Variants in ZBED6 observed in about 807,000 individuals in gnomAD.
ZBED6 encodes the protein zinc finger BED domain-containing protein 6.
In ZBED6, 40 loss-of-function variants were observed where a neutral mutation model predicts 58.4. The observed-to-expected ratio is 0.68, with a 90% CI of 0.53 to 0.89. The LOEUF is 0.89. ZBED6 is among the 40% of genes least tolerant of loss of function. ZBED6 has a pLI of 0.00. For missense variants in ZBED6, 1,057 were observed against 1,003.9 expected (o/e 1.05, Z -0.71); for synonymous variants, 439 against 350.6 (o/e 1.25, Z -2.82).
rs576861278 is a variant in ZBED6, at chr1:203,824,807, C to T, written c.*2874-3492C>T. Among the ~76,000 whole-genome samples, 18 of 152,152 alleles carry T rather than the reference C, an allele frequency of 1.2e-4. No individual in the cohort carries two copies. In the East Asian group the frequency reaches 2.9e-3, roughly 24 times the overall value. On this transcript the variant is annotated intron_variant, in intron 3 of 16. Coordinates refer to ENST00000550078, the Ensembl canonical transcript of ZBED6. ...AGAAAATAGATTGTTAGGCCGGACA[C>T]GGTGGCTCACGCCTGTAATCCCAGC...
rs1241226262 is a variant in ZBED6, at chr1:203,805,893, C to T, written c.*2554+2877C>T. On this transcript the variant is annotated intron_variant, in intron 1 of 16. Coordinates refer to ENST00000550078, the Ensembl canonical transcript of ZBED6. ...CTAGCTGGTCTTGTAAATTCTCAAT[C>T]TGGTCAGTTTTCACTTGCTTGTCTA... The T allele has an allele frequency of 7.6e-5, 55 of 727,924 alleles. No homozygotes were observed. The Admixed American group carries it at 9.3e-4, about 12-fold the overall frequency. 45.1% of individuals were successfully genotyped at this position (727,924 alleles called of 1,614,324 possible). A position where few individuals can be genotyped will look rare whatever the true frequency, so the allele number is the denominator to read the frequency against.
At chr1:203,847,279 C>T (rs1688155830) in exon 12 of ZBED6, 1 of 1,613,730 alleles carries the variant, frequency 6.2e-7, no homozygotes, top group African/African-American at 1.3e-5. Context: ...GCAAACTAAA[C>T]TCAAGACAGA....
chr1:203,810,104 C>G (rs1049081447), intron 1 of ZBED6, among the ~76,000 whole-genome samples: 9 of 151,252 alleles, frequency 6.0e-5, no homozygotes, highest in African/African-American at 2.2e-4. Context: ...GTCATTGGAG[C>G]ATCATTTAAA....
At chr1:203,796,781 C>A (rs1668655965) in exon 1 of ZBED6, 1 of 243,532 alleles carries the variant, frequency 4.1e-6, no homozygotes, top group African/African-American at 2.2e-5. Context: ...ACTCTTAATA[C>A]AAACAGTACT....
At chr1:203,812,566 T>C (rs1004142607) in intron 1 of ZBED6, among the ~76,000 whole-genome samples, 1 of 150,530 alleles carries the variant, frequency 6.6e-6, no homozygotes, top group Non-Finnish European at 1.5e-5. Flanking sequence ...TTTTGGATTT[T>C]AGCCATTCTA....
At chr1:203,805,115 C>CA (rs1303925951) in intron 1 of ZBED6, among the ~76,000 whole-genome samples, 1 of 150,420 alleles carries the variant, frequency 6.6e-6, no homozygotes, top group African/African-American at 2.4e-5. Context: ...ACCACAGAAT[C>CA]AAAATACCCA....
exon 17 of ZBED6, chr1:203,852,891 T>G (rs1572394321): frequency 5.9e-6 from 1 of 169,276 alleles, no homozygotes; most frequent in South Asian, 1.4e-4. Context: ...AAATTGTATG[T>G]CTTTTTAAAG....
intron 3 of ZBED6, among the ~76,000 whole-genome samples, chr1:203,821,008 T>C (rs928875138): frequency 6.6e-6 from 1 of 152,196 alleles, no homozygotes; most frequent in African/African-American, 2.4e-5. Context: ...TAATGCAAAC[T>C]TGTGGTGATA....
exon 17 of ZBED6, chr1:203,853,683 G>T (rs1361010124): frequency 2.6e-5 from 4 of 152,618 alleles, no homozygotes; most frequent in Admixed American, 2.6e-4. Context: ...TGTTGTAAGC[G>T]GCTCATCAAG....
chr1:203,821,017 T>TA (rs369127141), intron 3 of ZBED6, among the ~76,000 whole-genome samples: 2 of 152,236 alleles, frequency 1.3e-5, no homozygotes, highest in Admixed American at 6.5e-5. Flanking sequence ...CTTGTGGTGA[T>TA]ACGTTTGGCT....
intron 16 of ZBED6, 128 bp downstream of exon 16, chr1:203,851,252 A>C: frequency 2.4e-6 from 2 of 830,252 alleles, no homozygotes; most frequent in Non-Finnish European, 1.9e-6. Flanking sequence ...AATTAATTGC[A>C]AGAAAGTATG....
At chr1:203,836,728 A>G (rs886873785) in intron 9 of ZBED6, among the ~76,000 whole-genome samples, 1 of 152,214 alleles carries the variant, frequency 6.6e-6, no homozygotes, top group African/African-American at 2.4e-5. Context: ...GTGAGCTGAG[A>G]TCTTCCCACT....
At chr1:203,796,001 C>T (rs1668316898) in exon 1 of ZBED6, 1 of 151,554 alleles carries the variant, frequency 6.6e-6, no homozygotes, top group Admixed American at 6.6e-5. Context: ...GAGCCCCAGG[C>T]TCCCGCTCAC....
exon 1 of ZBED6, chr1:203,798,696 A>T: frequency 1.3e-6 from 2 of 1,536,122 alleles, no homozygotes; most frequent in Non-Finnish European, 1.7e-6. Flanking sequence ...AGGCACTCTG[A>T]TGCGTGCGCA....
chr1:203,801,996 T>G (rs1053789508), exon 1 of ZBED6: 1 of 152,648 alleles, frequency 6.6e-6, no homozygotes, highest in African/African-American at 2.4e-5. Context: ...CCAGGGCCAC[T>G]ATTTAATGGC....
At chr1:203,797,664 G>A (rs1347251661) in exon 1 of ZBED6, 1 of 1,536,048 alleles carries the variant, frequency 6.5e-7, no homozygotes, top group African/African-American at 1.4e-5. Flanking sequence ...GGAAAAGATG[G>A]TAGCAGAAGG....
chr1:203,833,759 A>G, intron 8 of ZBED6, 32 bp from the exon 9 acceptor site: 3 of 1,593,492 alleles, frequency 1.9e-6, no homozygotes, highest in South Asian at 1.1e-5. Context: ...AAATTGACTA[A>G]GGATAGAGAA....
intron 10 of ZBED6, among the ~76,000 whole-genome samples, chr1:203,838,476 CTG>C (rs1284733050): frequency 1.3e-5 from 2 of 152,186 alleles, no homozygotes; most frequent in South Asian, 2.1e-4. Flanking sequence ...GAGCCAGAGA[CTG>C]TGTCTCAGGC....
rs41310877 is a variant in ZBED6 at position 203,799,250 on chromosome 1, T to C, written c.1728T>C (p.Gly576=). Residue 576 remains glycine, a synonymous_variant, in exon 1 of 17, where the codon GGT becomes GGC. Coordinates refer to ENST00000550078, the Ensembl canonical transcript of ZBED6. Reference sequence around the variant, plus strand: ...ATGTGGTACATGCAATCAAAGATGGTGGTTTTACCCATGTGCCATGCTTCC... The same window carrying C: ...ATGTGGTACATGCAATCAAAGATGGCGGTTTTACCCATGTGCCATGCTTCC... 2.2e-3 allele frequency: 1,760 copies of C among 810,802 alleles called. 7 individuals carry two copies. Among genetic ancestry groups the C allele is most frequent in the Non-Finnish European group, 2.8e-3 (1,340 of 483,840 alleles). 50.2% of individuals were successfully genotyped at this position (810,802 alleles called of 1,614,324 possible). A position where few individuals can be genotyped will look rare whatever the true frequency, so the allele number is the denominator to read the frequency against.
Sources: allele counts gnomAD v4.1 joint callset (sites outside exome capture counted in the v4.1 genomes callset), GRCh38; gene constraint gnomAD v4.1.1; transcripts MANE v1.5; gene names NCBI Gene and HGNC (gene_info 2026-07-23, HGNC 2026-07-21).